SPOCK1: variants seen among roughly 807,000 people sequenced by gnomAD.
SPOCK1 encodes SPARC (osteonectin), cwcv and kazal like domains proteoglycan 1, also known as testican-1.
A neutral mutation model predicts 55.3 loss-of-function variants in SPOCK1; 23 were observed. That is an observed-to-expected ratio of 0.42 (90% CI 0.30 to 0.59). SPOCK1 has a LOEUF of 0.59. Among genes scored for constraint, SPOCK1 ranks in the 20% least tolerant of loss-of-function variants. The pLI is 0.22. For synonymous variants in SPOCK1, 226 were observed against 221.0 expected, an observed-to-expected ratio of 1.02 and a Z score of -0.20; for missense variants, 499 against 552.5, an observed-to-expected ratio of 0.90 and a Z score of 0.97.
chr5:137,099,989 G>T (rs1336446769), intron 5 of SPOCK1, among the ~76,000 whole-genome samples: 1 of 152,116 alleles, frequency 6.6e-6, no homozygotes, highest in Non-Finnish European at 1.5e-5. Context: ...CATCTTGCAA[G>T]CTCAACTATT....
chr5:136,998,732 G>A (rs1205689798), intron 6 of SPOCK1, among the ~76,000 whole-genome samples: 1 of 152,210 alleles, frequency 6.6e-6, no homozygotes, highest in African/African-American at 2.4e-5. Flanking sequence ...TGAGAACAAT[G>A]GTCTTTTGGA....
At chr5:137,310,523 A>C (rs1272083877) in intron 2 of SPOCK1, among the ~76,000 whole-genome samples, 1 of 152,238 alleles carries the variant, frequency 6.6e-6, no homozygotes, top group African/African-American at 2.4e-5. Flanking sequence ...ATCATTAATC[A>C]TCAAAACAGC....
intron 3 of SPOCK1, among the ~76,000 whole-genome samples, chr5:137,261,368 C>A (rs1375893750): frequency 6.6e-6 from 1 of 152,158 alleles, no homozygotes; most frequent in African/African-American, 2.4e-5. Context: ...ATCCACTGGG[C>A]TGGTGGTTCC....
intron 2 of SPOCK1, among the ~76,000 whole-genome samples, chr5:137,368,744 C>T (rs1580889355): frequency 6.6e-6 from 1 of 152,300 alleles, no homozygotes; most frequent in African/African-American, 2.4e-5. Context: ...CCCCACAGCC[C>T]TGTCCCCACT....
intron 3 of SPOCK1, among the ~76,000 whole-genome samples, chr5:137,234,452 C>T (rs1561479635): frequency 6.6e-6 from 1 of 152,202 alleles, no homozygotes; most frequent in Admixed American, 6.5e-5. Flanking sequence ...CTTCTTACCA[C>T]TTTCATCATT....
intron 4 of SPOCK1, among the ~76,000 whole-genome samples, chr5:137,121,684 A>C (rs573178181): frequency 6.8e-6 from 1 of 146,554 alleles, no homozygotes; most frequent in African/African-American, 2.5e-5. Flanking sequence ...TATATTATAT[A>C]TTTGGTTTCC....
chr5:137,203,865 A>G (rs1755472234), intron 3 of SPOCK1, among the ~76,000 whole-genome samples: 1 of 152,234 alleles, frequency 6.6e-6, no homozygotes, highest in South Asian at 2.1e-4. Context: ...AATCAAGCTG[A>G]TTGGAGGACA....
chr5:137,300,633 G>A (rs1757571508), intron 2 of SPOCK1, among the ~76,000 whole-genome samples: 1 of 152,166 alleles, frequency 6.6e-6, no homozygotes, highest in Non-Finnish European at 1.5e-5. Context: ...GGAAACCTTG[G>A]AGTCTCACCC....
At chr5:137,132,924 C>A (rs556908475) in intron 4 of SPOCK1, among the ~76,000 whole-genome samples, 10 of 152,318 alleles carry the variant, frequency 6.6e-5, no homozygotes, top group Admixed American at 6.5e-4. Flanking sequence ...AGGTAGGAGT[C>A]TCACTGGTTG....
chr5:137,374,775 A>G (rs1420976721), intron 2 of SPOCK1, among the ~76,000 whole-genome samples: 2 of 152,174 alleles, frequency 1.3e-5, no homozygotes, highest in African/African-American at 2.4e-5. Context: ...CTGCAATGTA[A>G]GGATTTTTTT....
At chr5:137,459,161 G>A (rs1477009439) in intron 2 of SPOCK1, among the ~76,000 whole-genome samples, 3 of 152,202 alleles carry the variant, frequency 2.0e-5, no homozygotes, top group African/African-American at 7.2e-5. Context: ...GGGTGAGGAT[G>A]TACGTGTCGT....
intron 3 of SPOCK1, among the ~76,000 whole-genome samples, chr5:137,193,372 T>C (rs952557809): frequency 1.4e-4 from 21 of 151,918 alleles, no homozygotes; most frequent in African/African-American, 4.8e-4. Flanking sequence ...TAGAAAGTGA[T>C]GGAAGGGGAG....
At chr5:137,133,958 T>C (rs963774695) in intron 4 of SPOCK1, among the ~76,000 whole-genome samples, 1 of 6,658 alleles carries the variant, frequency 1.5e-4, no homozygotes, top group African/African-American at 6.0e-4. Context: ...GGGCTGGGGG[T>C]GGGGGGGGTA....
intron 3 of SPOCK1, among the ~76,000 whole-genome samples, chr5:137,165,248 A>G (rs1754625546): frequency 6.6e-6 from 1 of 152,200 alleles, no homozygotes. Flanking sequence ...GTTTGGGAGA[A>G]AGCAAGGAAA....
intron 2 of SPOCK1, among the ~76,000 whole-genome samples, chr5:137,349,442 G>T (rs1750629329): frequency 6.6e-6 from 1 of 152,226 alleles, no homozygotes; most frequent in Non-Finnish European, 1.5e-5. Context: ...GGAATGACTT[G>T]CTGAGACCAG....
intron 9 of SPOCK1, among the ~76,000 whole-genome samples, chr5:136,981,769 T>A (rs1750735765): frequency 6.6e-6 from 1 of 152,210 alleles, no homozygotes; most frequent in South Asian, 2.1e-4. Flanking sequence ...TAAGCATGAA[T>A]GCTAACAAAT....
chr5:137,310,662 TCAAA>T (rs1299517406), intron 2 of SPOCK1, among the ~76,000 whole-genome samples: 22 of 152,182 alleles, frequency 1.4e-4, no homozygotes, highest in African/African-American at 3.6e-4. Context: ...CCTGTTCCAC[TCAAA>T]CAAAGTGGGA....
intron 6 of SPOCK1, among the ~76,000 whole-genome samples, chr5:136,995,893 C>T (rs541954033): frequency 3.3e-5 from 5 of 152,194 alleles, no homozygotes; most frequent in East Asian, 3.9e-4. Flanking sequence ...ATCAGAAACC[C>T]GAAATGGAAA....
At chr5:137,264,145 C>T (rs752744796) in intron 3 of SPOCK1, among the ~76,000 whole-genome samples, 26 of 152,036 alleles carry the variant, frequency 1.7e-4, no homozygotes, top group Non-Finnish European at 3.1e-4. Flanking sequence ...CGGTGACAGC[C>T]AGAGCCCAGG....
Sources: allele counts gnomAD v4.1 joint callset (sites outside exome capture counted in the v4.1 genomes callset), GRCh38; gene constraint gnomAD v4.1.1; transcripts MANE v1.5; gene names NCBI Gene and HGNC (gene_info 2026-07-23, HGNC 2026-07-21).